Variants in CTNNA3 observed in about 807,000 individuals in gnomAD.
CTNNA3 encodes the protein catenin alpha 3.
A neutral mutation model predicts 95.7 loss-of-function variants in CTNNA3; 76 were observed. The ratio of observed to expected loss-of-function variants is 0.79; its 90% confidence interval spans 0.66 to 0.96. The LOEUF (loss-of-function observed/expected upper bound fraction) is 0.96, where lower values mean the gene tolerates loss of function less well. Among genes scored for constraint, CTNNA3 ranks in the 40% least tolerant of loss-of-function variants. CTNNA3 has a pLI of 0.00. For missense variants in CTNNA3, 1,191 were observed against 1,089.8 expected, an observed-to-expected ratio of 1.09 and a Z score of -1.31; for synonymous variants, 431 against 374.4, an observed-to-expected ratio of 1.15 and a Z score of -1.74.
At position 67,299,118 on chromosome 10, in the gene CTNNA3, C is replaced by T. The variant is rs200141815; in HGVS notation, c.580-79248G>A. ...TTCACCATGTTGGCCAGGATGGTCT[C>T]GATCTCTTGACCTCATGATCCACTC... On this transcript the variant is annotated intron_variant, in intron 5 of 17. Transcript: ENST00000433211. Among the ~76,000 whole-genome samples the T allele has an allele frequency of 1.9e-4, 29 of 152,074 alleles. No individual in the cohort carries two copies. The East Asian group carries it at 5.0e-3, about 26-fold the overall frequency.
At chr10:67,016,511 T>C (rs1236607401) in intron 7 of CTNNA3, among the ~76,000 whole-genome samples, 2 of 152,072 alleles carry the variant, frequency 1.3e-5, no homozygotes, top group African/African-American at 4.8e-5. Context: ...TAGAACGAGG[T>C]TGTTGGCAGA....
At chr10:65,969,649 T>C (rs2078053111) in intron 16 of CTNNA3, among the ~76,000 whole-genome samples, 1 of 152,158 alleles carries the variant, frequency 6.6e-6, no homozygotes, top group African/African-American at 2.4e-5. Context: ...ACCAATAAAC[T>C]GGACTAAGTA....
chr10:66,120,443 T>A (rs1371311206), intron 13 of CTNNA3, among the ~76,000 whole-genome samples: 1 of 152,146 alleles, frequency 6.6e-6, no homozygotes, highest in Non-Finnish European at 1.5e-5. Context: ...GTAGAAAATT[T>A]GTCCTGGTCC....
chr10:67,176,795 G>A, intron 7 of CTNNA3: 1 of 389,548 alleles, frequency 2.6e-6, no homozygotes, highest in Non-Finnish European at 5.0e-6. Flanking sequence ...AGCAGGGTCA[G>A]AGAAACATGA....
intron 1 of CTNNA3, among the ~76,000 whole-genome samples, chr10:67,739,039 C>A (rs1294032090): frequency 6.6e-6 from 1 of 152,164 alleles, no homozygotes; most frequent in Non-Finnish European, 1.5e-5. Context: ...TACAGGAGAA[C>A]TTCCCCAACC....
At chr10:66,305,437 T>G (rs767032423) in intron 12 of CTNNA3, among the ~76,000 whole-genome samples, 6 of 152,180 alleles carry the variant, frequency 3.9e-5, no homozygotes, top group Non-Finnish European at 5.9e-5. Context: ...TTTTCTCAAG[T>G]GGACTCTGCA....
intron 5 of CTNNA3, among the ~76,000 whole-genome samples, chr10:67,385,132 T>G (rs1474164708): frequency 6.6e-6 from 1 of 152,198 alleles, no homozygotes; most frequent in African/African-American, 2.4e-5. Context: ...TTTCAATTAT[T>G]TTATATGCTA....
intron 5 of CTNNA3, among the ~76,000 whole-genome samples, chr10:67,400,951 T>C (rs1844894274): frequency 1.3e-5 from 2 of 152,202 alleles, no homozygotes. Flanking sequence ...AGTGCTTATC[T>C]AATAATATGA....
chr10:67,530,071 C>A lies in CTNNA3; in HGVS notation c.460-8110G>T, dbSNP rs923358822. 2.0e-5 allele frequency among the ~76,000 whole-genome samples: 3 copies of A among 152,188 alleles called. No individual in the cohort carries two copies. The South Asian group carries it at 6.2e-4, about 32-fold the overall frequency. ...TGCTTCCACCATGATTGTGTAGCCTCCCCAGCAAGGTGGAACTGTAAGTCC... is the reference window on the plus strand; with the variant it reads ...TGCTTCCACCATGATTGTGTAGCCTACCCAGCAAGGTGGAACTGTAAGTCC... On this transcript the variant is annotated intron_variant, in intron 4 of 17. Transcript: ENST00000433211.
chr10:66,759,664 T>C (rs1182996964), intron 9 of CTNNA3, among the ~76,000 whole-genome samples: 1 of 152,222 alleles, frequency 6.6e-6, no homozygotes, highest in African/African-American at 2.4e-5. Flanking sequence ...TTGCTCATTA[T>C]CTACCTAGAA....
chr10:67,004,135 C>G (rs1421909998), intron 7 of CTNNA3, among the ~76,000 whole-genome samples: 1 of 151,108 alleles, frequency 6.6e-6, no homozygotes, highest in Non-Finnish European at 1.5e-5. Flanking sequence ...GGAGCCATGG[C>G]TGTGTATCAG....
chr10:66,298,366 T>A (rs1462078653), intron 12 of CTNNA3, among the ~76,000 whole-genome samples: 1 of 151,992 alleles, frequency 6.6e-6, no homozygotes, highest in Admixed American at 6.6e-5. Flanking sequence ...TAGAAGAAAA[T>A]AATGAAATAA....
chr10:66,026,124 C>T (rs2079329237), intron 15 of CTNNA3, among the ~76,000 whole-genome samples: 1 of 152,202 alleles, frequency 6.6e-6, no homozygotes, highest in South Asian at 2.1e-4. Flanking sequence ...GTTAGATGAA[C>T]TAGCTCCTTC....
intron 7 of CTNNA3, among the ~76,000 whole-genome samples, chr10:66,961,222 A>C (rs1849094286): frequency 6.6e-6 from 1 of 152,108 alleles, no homozygotes; most frequent in Non-Finnish European, 1.5e-5. Context: ...GGTGATTTCT[A>C]TTGTTTTGTA....
At chr10:66,885,438 T>C (rs1215985748) in intron 7 of CTNNA3, among the ~76,000 whole-genome samples, 2 of 152,122 alleles carry the variant, frequency 1.3e-5, no homozygotes, top group African/African-American at 2.4e-5. Flanking sequence ...CCTGCAGATA[T>C]AGATCTTTGA....
At chr10:66,444,428 G>C (rs910647461) in intron 11 of CTNNA3, among the ~76,000 whole-genome samples, 2 of 152,072 alleles carry the variant, frequency 1.3e-5, no homozygotes, top group Non-Finnish European at 2.9e-5. Flanking sequence ...CAGAGAGAAA[G>C]GTTGGGTTAC....
chr10:67,519,677 C>T (rs1018451653), intron 5 of CTNNA3, among the ~76,000 whole-genome samples: 7 of 152,112 alleles, frequency 4.6e-5, no homozygotes, highest in Admixed American at 1.3e-4. Flanking sequence ...AGGCCCTGTC[C>T]TTTTGGAGCT....
chr10:67,261,537 A>C (rs1391984646), intron 5 of CTNNA3, among the ~76,000 whole-genome samples: 1 of 152,172 alleles, frequency 6.6e-6, no homozygotes, highest in African/African-American at 2.4e-5. Flanking sequence ...AATCAAGCAG[A>C]GTAAGGAGGA....
chr10:66,503,159 T>C (rs922983014), intron 11 of CTNNA3, among the ~76,000 whole-genome samples: 2 of 152,164 alleles, frequency 1.3e-5, no homozygotes, highest in African/African-American at 4.8e-5. Flanking sequence ...ACTCAATATG[T>C]CCTAGACACT....
Sources: allele counts gnomAD v4.1 joint callset (sites outside exome capture counted in the v4.1 genomes callset), GRCh38; gene constraint gnomAD v4.1.1; transcripts MANE v1.5; gene names NCBI Gene and HGNC (gene_info 2026-07-23, HGNC 2026-07-21).